Variants in GGA2 observed in about 807,000 individuals in gnomAD.
The protein encoded by GGA2 is ADP-ribosylation factor-binding protein GGA2.
GGA2 carries 48 observed loss-of-function variants against 79.5 expected under a neutral mutation model. That is an observed-to-expected ratio of 0.60 (90% confidence interval 0.48 to 0.77). GGA2 has a LOEUF of 0.77. GGA2 is among the 30% of genes least tolerant of loss of function. The pLI, the probability that GGA2 is intolerant of heterozygous loss-of-function variation, is 0.00. For missense variants in GGA2, 770 were observed against 774.0 expected (o/e 0.99, Z 0.06); for synonymous variants, 317 against 302.0 (o/e 1.05, Z -0.51).
chr16:23,523,726 C>G (rs894433762), upstream of GGA2: 1 of 152,234 alleles, frequency 6.6e-6, no homozygotes, highest in Non-Finnish European at 1.5e-5. Context: ...TGAGACTGTA[C>G]TTGGAGATTG....
intron 13 of GGA2, among the ~76,000 whole-genome samples, chr16:23,478,121 C>T (rs1323274512): frequency 2.0e-5 from 3 of 149,714 alleles, no homozygotes; most frequent in African/African-American, 7.4e-5. Context: ...ATCGCTTGAA[C>T]TCAGGAGGTA....
intron 10 of GGA2, 99 bp from the exon 11 acceptor site, chr16:23,479,986 T>C: frequency 1.8e-6 from 2 of 1,102,936 alleles, no homozygotes; most frequent in East Asian, 2.6e-5. Context: ...CCTAATCAAA[T>C]GGTAACGCCC....
At chr16:23,468,326 C>T (rs970519109) in intron 16 of GGA2, among the ~76,000 whole-genome samples, 1 of 150,582 alleles carries the variant, frequency 6.6e-6, no homozygotes, top group Non-Finnish European at 1.5e-5. Flanking sequence ...TACAGGCGCA[C>T]GCCACCATGC....
At chr16:23,481,327 C>T (rs543502047) in intron 9 of GGA2, among the ~76,000 whole-genome samples, 54 of 152,154 alleles carry the variant, frequency 3.5e-4, no homozygotes, top group African/African-American at 1.2e-3. Flanking sequence ...GAGCTGAGAT[C>T]GCACCATTGC....
At position 23,468,815 on chromosome 16, in the gene GGA2, A is replaced by G. The variant is rs186192750; in HGVS notation, c.1731+71T>C. ...GCAAGGCCTCAATGTGCCTCTCTCT[A>G]CCCACAAAGTTACCTCCCCTTACAG... On this transcript the variant is annotated intron_variant, in intron 16 of 16. Coordinates refer to ENST00000309859, the MANE Select transcript of GGA2 (RefSeq NM_015044.4). 7.0e-5 allele frequency: 59 copies of G among 844,710 alleles called. No homozygotes were observed. The East Asian group carries it at 1.4e-3, about 20-fold the overall frequency. 52.3% of individuals were successfully genotyped at this position (844,710 alleles called of 1,614,324 possible). A position where few individuals can be genotyped will look rare whatever the true frequency, so the allele number is the denominator to read the frequency against.
intron 1 of GGA2, among the ~76,000 whole-genome samples, chr16:23,501,990 G>C (rs1964926748): frequency 2.0e-5 from 3 of 152,146 alleles, no homozygotes; most frequent in Non-Finnish European, 4.4e-5. Flanking sequence ...ATCACCCACA[G>C]TCTCAAGCAG....
chr16:23,465,625 G>C lies in GGA2; in HGVS notation c.*1965C>G. Reference sequence around the variant, plus strand: ...ATGATGGGTACCTCTTCAAGACTACGCAACAGTAACAGAGCCTATAAAAGC... The same window carrying C: ...ATGATGGGTACCTCTTCAAGACTACCCAACAGTAACAGAGCCTATAAAAGC... On this transcript the variant is annotated 3_prime_UTR_variant, in exon 17 of 17. Transcript: ENST00000309859. 1 of 569,860 alleles carries C rather than the reference G, an allele frequency of 1.8e-6. No homozygotes were observed. The allele number at this position is 569,860 out of a possible 1,614,324, so 35.3% of individuals were successfully genotyped here. A position where few individuals can be genotyped will look rare whatever the true frequency, so the allele number is the denominator to read the frequency against.
Position 23,465,640 on chromosome 16 carries a change from C to G in GGA2, c.*1950G>C, listed in dbSNP as rs1033881759. ...TCAAGACTACGCAACAGTAACAGAG[C>G]CTATAAAAGCTACACAGAGGCCGGG... is the stretch of plus-strand genomic sequence containing the variant. On this transcript the variant is annotated 3_prime_UTR_variant, in exon 17 of 17. Coordinates refer to ENST00000309859, the MANE Select transcript of GGA2 (RefSeq NM_015044.4). 6 of 536,674 alleles carry G rather than the reference C, an allele frequency of 1.1e-5. No homozygotes were observed. Among genetic ancestry groups the G allele is most frequent in the Non-Finnish European group, 1.7e-5 (5 of 301,306 alleles). The allele number at this position is 536,674 out of a possible 1,614,324, so 33.2% of individuals were successfully genotyped here.
upstream of GGA2, chr16:23,522,749 C>G (rs1390463509): frequency 2.0e-5 from 3 of 152,222 alleles, no homozygotes; most frequent in African/African-American, 4.8e-5. Flanking sequence ...CGTTTACTAT[C>G]TCACAGTTCA....
chr16:23,501,029 T>G (rs1277227994), intron 1 of GGA2: 1 of 342,202 alleles, frequency 2.9e-6, no homozygotes, highest in East Asian at 7.6e-5. Context: ...AAAGTGTGAC[T>G]TGGGCAATAT....
intron 14 of GGA2, among the ~76,000 whole-genome samples, chr16:23,472,396 C>A (rs954537450): frequency 2.0e-4 from 31 of 151,458 alleles, no homozygotes; most frequent in African/African-American, 7.0e-4. Flanking sequence ...CAGGGTTTCA[C>A]CATGTTGGCC....
intron 2 of GGA2, chr16:23,519,521 C>A: frequency 3.0e-6 from 1 of 330,450 alleles, no homozygotes; most frequent in Non-Finnish European, 6.3e-6. Flanking sequence ...CAGATTCTCC[C>A]CTGCGAGTTT....
Position 23,467,428 on chromosome 16 carries a change from A to AC in GGA2, c.*161dup, listed in dbSNP as rs2142110194. 3.2e-6 allele frequency: 2 copies of AC among 619,594 alleles called. No homozygotes were observed. The highest frequency in any genetic ancestry group is 2.8e-5 in the East Asian group (1 of 35,146). The allele number at this position is 619,594 out of a possible 1,614,324, so 38.4% of individuals were successfully genotyped here. ...CACACACACACACACACACACACACACACACAGAGCATCTGCAGAATAAGT... is the reference window on the plus strand; with the variant it reads ...CACACACACACACACACACACACACACCACACAGAGCATCTGCAGAATAAGT... On this transcript the variant is annotated 3_prime_UTR_variant, in exon 17 of 17. Transcript: ENST00000309859.
chr16:23,491,783 G>C lies in GGA2; in HGVS notation c.369C>G (p.Ala123=). The C allele has an allele frequency of 6.2e-7, 1 of 1,611,274 alleles. No homozygotes were observed. The highest frequency in any genetic ancestry group is 8.5e-7 in the Non-Finnish European group (1 of 1,177,590). The change falls in exon 5 of 17, where the codon GCC becomes GCG. Residue 123 remains alanine, a synonymous_variant. Coordinates refer to ENST00000309859, the MANE Select transcript of GGA2 (RefSeq NM_015044.4). ...TGACTCTTCCTTTAACTTTTCCTGT[G>C]GCCCAGGACCCCAGGTACTGAAAGT... is the stretch of plus-strand genomic sequence containing the variant. The part of the protein sequence containing the change: ...VLSPKYLGSW[A]TGKVKGRVIE...
At chr16:23,472,323 A>G (rs569857716) in intron 14 of GGA2, among the ~76,000 whole-genome samples, 1 of 150,512 alleles carries the variant, frequency 6.6e-6, no homozygotes, top group Non-Finnish European at 1.5e-5. Flanking sequence ...CCTCCCAAGT[A>G]GCTGGGACTA....
At chr16:23,510,150 T>C (rs1169089895) in intron 1 of GGA2, among the ~76,000 whole-genome samples, 171 bp downstream of exon 1, 1 of 148,112 alleles carries the variant, frequency 6.8e-6, no homozygotes, top group Admixed American at 6.7e-5. Flanking sequence ...TGCTTGGGGC[T>C]CCTCTCGGGG....
chr16:23,486,207 C>T, intron 7 of GGA2, 55 bp from the exon 8 acceptor site: 1 of 1,540,632 alleles, frequency 6.5e-7, no homozygotes, highest in Non-Finnish European at 9.0e-7. Context: ...TGGCTGAAGC[C>T]TGAACAAGGG....
Position 23,480,680 on chromosome 16 carries a change from ACT to A in GGA2, c.969_970del (p.Arg323SerfsTer28). Reference sequence around the variant, plus strand: ...AGGGATGTCTCCCAATGAGCTGGTCACTCTGTTTCCAAAGGTGACCCGGCCCT... The same window carrying A: ...AGGGATGTCTCCCAATGAGCTGGTCACTGTTTCCAAAGGTGACCCGGCCCT... On this transcript the variant is annotated frameshift_variant, in exon 10 of 17. Transcript: ENST00000309859. LOFTEE classifies it high-confidence loss of function. 1 of 1,613,502 alleles carries A rather than the reference ACT, an allele frequency of 6.2e-7. No homozygotes were observed. The highest frequency in any genetic ancestry group is 8.5e-7 in the Non-Finnish European group (1 of 1,179,460).
At chr16:23,471,988 G>C (rs1049799493) in intron 14 of GGA2, among the ~76,000 whole-genome samples, 1 of 152,040 alleles carries the variant, frequency 6.6e-6, no homozygotes, top group Non-Finnish European at 1.5e-5. Context: ...ATACCAGTGG[G>C]GTATGGTGGC....
Sources: gnomAD v4.1 joint callset for allele counts (sites outside exome capture counted in the v4.1 genomes callset) on GRCh38, gnomAD v4.1.1 for gene constraint, MANE v1.5 for transcripts, NCBI Gene and HGNC (gene_info 2026-07-23, HGNC 2026-07-21) for gene names.